UNC45B: variants seen among roughly 807,000 people sequenced by gnomAD.
The protein encoded by UNC45B is protein unc-45 homolog B.
Under a neutral mutation model 98.7 loss-of-function variants are expected in UNC45B, and 78 were observed. That is an observed-to-expected ratio of 0.79 (90% CI 0.66 to 0.95). The LOEUF is 0.95. Ranked by LOEUF, UNC45B falls within the 40% of genes least tolerant of loss-of-function variation. UNC45B has a pLI of 0.00. For missense variants in UNC45B, 1,225 were observed against 1,184.9 expected (o/e 1.03, Z -0.50); for synonymous variants, 462 against 480.4 (o/e 0.96, Z 0.50).
At chr17:35,168,492 C>T in intron 10 of UNC45B, 131 bp downstream of exon 10, 1 of 664,096 alleles carries the variant, frequency 1.5e-6, no homozygotes, top group Non-Finnish European at 2.1e-6. Flanking sequence ...GACCCAGCCA[C>T]AGACCCCTGC....
At position 35,168,084 on chromosome 17, in the gene UNC45B, TG is replaced by T. The variant is rs1394773713; in HGVS notation, c.1177del (p.Asp393ThrfsTer4). The T allele has an allele frequency of 5.1e-6, 8 of 1,554,080 alleles. No homozygotes were observed. Among genetic ancestry groups the T allele is most frequent in the Non-Finnish European group, 5.2e-6 (6 of 1,148,810 alleles). Reference sequence around the variant, plus strand: ...AGGGGCAAGTTTGACCCCCAGGACATGGACAAGAACTTGAATGCCATCCAGA... The same window carrying T: ...AGGGGCAAGTTTGACCCCCAGGACATGACAAGAACTTGAATGCCATCCAGA... ...YITGKFDPQD[M>X]DKNLNAIQTV... is the part of the protein sequence containing the mutation. On this transcript the variant is annotated frameshift_variant, in exon 10 of 20. Transcript: ENST00000394570. LOFTEE classifies it high-confidence loss of function.
At chr17:35,153,394 C>T (rs1171733487) in intron 5 of UNC45B, among the ~76,000 whole-genome samples, 1 of 152,068 alleles carries the variant, frequency 6.6e-6, no homozygotes, top group East Asian at 1.9e-4. Context: ...ATTAAAATAA[C>T]ATTTTATTTC....
intron 18 of UNC45B, among the ~76,000 whole-genome samples, chr17:35,182,461 A>C (rs1289433207): frequency 6.6e-6 from 1 of 151,860 alleles, no homozygotes; most frequent in Non-Finnish European, 1.5e-5. Context: ...CTCCTCTGCC[A>C]CACTGGGAGT....
rs779540209 is a variant in UNC45B, at chr17:35,159,522, G to A, written c.956G>A (p.Arg319His). The A allele has an allele frequency of 1.6e-5, 26 of 1,613,882 alleles. No homozygotes were observed. Among genetic ancestry groups the A allele is most frequent in the African/African-American group, 9.3e-5 (7 of 74,908 alleles). ...GACCTTGCCATTCATGACAACTCAC[G>A]TACCATCTATGTGGTGGATAATGGT... The part of the protein sequence containing the change: ...RKDLAIHDNS[R>H]TIYVVDNGLR... Residue 319 changes from arginine to histidine, a missense_variant, in exon 8 of 20, where the codon CGT becomes CAT. Arg to His is a conservative substitution (Grantham distance 29). Transcript: ENST00000394570.
At position 35,170,174 on chromosome 17, in the gene UNC45B, C is replaced by T; in HGVS notation, c.1608C>T (p.Ala536=). 10 of 1,613,980 alleles carry T rather than the reference C, an allele frequency of 6.2e-6. No individual in the cohort carries two copies. The highest frequency in any genetic ancestry group is 8.5e-6 in the Non-Finnish European group (10 of 1,179,896). The change falls in exon 12 of 20, where the codon GCC becomes GCT. Residue 536 remains alanine (A), a synonymous_variant. Coordinates refer to ENST00000394570, the MANE Select transcript of UNC45B (RefSeq NM_001267052.2). The stretch of plus-strand genomic sequence containing the variant: ...GACGCTGGGCAGTGGAGGGCCTGGC[C>T]TACCTCACGCTGGACGCTGATGTGA... ...RTRRWAVEGL[A]YLTLDADVKD...
At chr17:35,185,806 G>A (rs930143057) in intron 19 of UNC45B, among the ~76,000 whole-genome samples, 5 of 152,100 alleles carry the variant, frequency 3.3e-5, no homozygotes, top group East Asian at 3.8e-4. Context: ...GGTTGGTAGC[G>A]TGACCATAAC....
chr17:35,176,022 A>C lies in UNC45B; in HGVS notation c.2013A>C (p.Gln671His), dbSNP rs1431960665. The C allele has an allele frequency of 1.9e-6, 3 of 1,614,062 alleles. No homozygotes were observed. The highest frequency in any genetic ancestry group is 2.5e-6 in the Non-Finnish European group (3 of 1,180,032). ...NPKDRGTIVA[Q>H]GGGKALIPLA... ...AGGACCGAGGCACCATTGTGGCTCA[A>C]GGTGGTGGCAAGGTAACTGGGCAGG... is the stretch of plus-strand genomic sequence containing the variant. The change falls in exon 15 of 20, where the codon CAA (glutamine) becomes CAC (histidine). Residue 671 changes from glutamine (Q) to histidine (H), a missense_variant. Coordinates refer to ENST00000394570, the MANE Select transcript of UNC45B (RefSeq NM_001267052.2).
In UNC45B at chr17:35,175,104, GAA is replaced by G. The variant is rs200774415; in HGVS notation, c.1958+738_1958+739del. On this transcript the variant is annotated intron_variant, in intron 14 of 19. Transcript: ENST00000394570. ...GAAAGAAAGAGAAAGAAAGAAAAAA[GAA>G]AAGAAAGAAAGGGAAAGGAAAGGAA... Among the ~76,000 whole-genome samples, 1,068 of 133,156 alleles carry G rather than the reference GAA, an allele frequency of 8.0e-3. 16 individuals are homozygous for G. The highest frequency in any genetic ancestry group is 0.07 in the East Asian group (299 of 4,300). The allele number at this position is 133,156 out of a possible 152,430, so 87.4% of individuals were successfully genotyped here. A position where few individuals can be genotyped will look rare whatever the true frequency, so the allele number is the denominator to read the frequency against.
chr17:35,186,961 G>A lies in UNC45B; in HGVS notation c.*402G>A, dbSNP rs1329116452. The A allele has an allele frequency of 1.0e-5, 2 of 198,518 alleles. No homozygotes were observed. Among genetic ancestry groups the A allele is most frequent in the Non-Finnish European group, 2.1e-5 (2 of 95,108 alleles). The allele number at this position is 198,518 out of a possible 1,614,324, so 12.3% of individuals were successfully genotyped here. A position where few individuals can be genotyped will look rare whatever the true frequency, so the allele number is the denominator to read the frequency against. ...TGTGCATATAAAGGTTAATGCTGTT[G>A]TATTTGGATGCTGATCTGTGCTGTT... On this transcript the variant is annotated 3_prime_UTR_variant, in exon 20 of 20. Coordinates refer to ENST00000394570, the MANE Select transcript of UNC45B (RefSeq NM_001267052.2).
At chr17:35,148,533 G>A (rs1005820481) in intron 2 of UNC45B, 102 bp downstream of exon 2, 57 of 1,349,378 alleles carry the variant, frequency 4.2e-5, no homozygotes, top group Admixed American at 7.5e-5. Flanking sequence ...CATCCCAGCC[G>A]ACTCTCCTGG....
At chr17:35,160,530 T>C (rs1218627283) in intron 8 of UNC45B, among the ~76,000 whole-genome samples, 2 of 152,178 alleles carry the variant, frequency 1.3e-5, no homozygotes, top group South Asian at 2.1e-4. Flanking sequence ...CTCAAACTCC[T>C]GGGCTACAGT....
In UNC45B at chr17:35,152,899, G is replaced by C. The variant is rs2092030713; in HGVS notation, c.388G>C (p.Val130Leu). 1 of 1,614,002 alleles carries C rather than the reference G, an allele frequency of 6.2e-7. No individual in the cohort carries two copies. Among genetic ancestry groups the C allele is most frequent in the South Asian group, 1.1e-5 (1 of 91,084 alleles). ...LNTSIQEKLR[V>L]QFSTDSRVQK... ...CTCCCTCCTCTCTCCTCAGCTCCGA[G>C]TGCAGTTCTCCACAGACTCGAGGGT... The change falls in exon 5 of 20, where the codon GTG becomes CTG. Residue 130 changes from valine to leucine, a missense_variant. Physicochemically the swap from Val to Leu is conservative, Grantham distance 32. Coordinates refer to ENST00000394570, the MANE Select transcript of UNC45B (RefSeq NM_001267052.2).
In UNC45B at chr17:35,168,165, T is replaced by G. The variant is rs1337827836; in HGVS notation, c.1256T>G (p.Leu419Arg). Residue 419 changes from leucine to arginine, a missense_variant, in exon 10 of 20, where the codon CTG becomes CGG. Coordinates refer to ENST00000394570, the MANE Select transcript of UNC45B (RefSeq NM_001267052.2). ...GACCTGGGCAACCAGCTGCTGGGAC[T>G]GAAAGGTGTGATGGAGATGATGGTG... is the stretch of plus-strand genomic sequence containing the variant. ...PFDLGNQLLGLKGVMEMMVAL... is the reference protein window; with the variant it reads ...PFDLGNQLLGRKGVMEMMVAL... The G allele has an allele frequency of 3.1e-6, 5 of 1,607,144 alleles. No individual in the cohort carries two copies. The highest frequency in any genetic ancestry group is 4.3e-6 in the Non-Finnish European group (5 of 1,176,448).
rs1353959463 is a variant in UNC45B at position 35,183,561 on chromosome 17, G to A, written c.2508G>A (p.Leu836=). Residue 836 remains leucine (L), a synonymous_variant, in exon 19 of 20, where the codon CTG becomes CTA. Coordinates refer to ENST00000394570, the MANE Select transcript of UNC45B (RefSeq NM_001267052.2). ...TGCTGACAGCAGCACACAAGAAACT[G>A]TGCCTCAAGATGACTCAAGTGGTAA... is the stretch of plus-strand genomic sequence containing the variant. ...LAMLTAAHKK[L]CLKMTQVTTQ... is the part of the protein sequence containing the mutation. 2 of 1,578,174 alleles carry A rather than the reference G, an allele frequency of 1.3e-6. No homozygotes were observed. The highest frequency in any genetic ancestry group is 3.6e-5 in the Admixed American group (2 of 55,284).
At chr17:35,159,307 C>G in intron 7 of UNC45B, 68 bp from the exon 8 acceptor site, 1 of 1,422,530 alleles carries the variant, frequency 7.0e-7, no homozygotes, top group Non-Finnish European at 9.6e-7. Flanking sequence ...GAAGCTGCTG[C>G]TCTTCTTGGT....
At chr17:35,163,712 G>C (rs2092118342) in intron 8 of UNC45B, among the ~76,000 whole-genome samples, 1 of 152,162 alleles carries the variant, frequency 6.6e-6, no homozygotes, top group Non-Finnish European at 1.5e-5. Context: ...TCAGCCCATG[G>C]AATGTCAGCA....
intron 18 of UNC45B, among the ~76,000 whole-genome samples, chr17:35,183,056 C>T (rs1399781406): frequency 1.3e-5 from 2 of 151,686 alleles, no homozygotes; most frequent in African/African-American, 4.9e-5. Flanking sequence ...TTATGGAAGA[C>T]CCTGAAGGCC....
chr17:35,171,957 A>T (rs947291184), intron 13 of UNC45B, among the ~76,000 whole-genome samples: 2 of 152,062 alleles, frequency 1.3e-5, no homozygotes, highest in Non-Finnish European at 2.9e-5. Flanking sequence ...TTAAGAATAT[A>T]TGCAAGATAT....
intron 4 of UNC45B, among the ~76,000 whole-genome samples, chr17:35,150,488 C>T (rs2092009521): frequency 6.6e-6 from 1 of 152,218 alleles, no homozygotes; most frequent in Non-Finnish European, 1.5e-5. Context: ...GTGGCTCATG[C>T]TTATAATCCC....
Sources: allele counts gnomAD v4.1 joint callset (sites outside exome capture counted in the v4.1 genomes callset), GRCh38; gene constraint gnomAD v4.1.1; transcripts MANE v1.5; gene names NCBI Gene and HGNC (gene_info 2026-07-23, HGNC 2026-07-21).